Variants in ST14 observed in about 807,000 individuals in gnomAD.
ST14 encodes suppressor of tumorigenicity 14 protein.
Under a neutral mutation model 96.5 loss-of-function variants are expected in ST14, and 40 were observed. The ratio of observed to expected loss-of-function variants is 0.41; its 90% CI spans 0.32 to 0.54. The LOEUF (loss-of-function observed/expected upper bound fraction) is 0.54, where lower values mean the gene tolerates loss of function less well. Among genes scored for constraint, ST14 ranks in the 20% least tolerant of loss-of-function variants. The probability of loss-of-function intolerance (pLI) is 0.17; values close to 1 mark genes in which losing one functional copy is unlikely to be tolerated. For missense variants in ST14, 1,066 were observed against 1,188.9 expected (o/e 0.90, Z 1.52); for synonymous variants, 506 against 492.1 (o/e 1.03, Z -0.37).
In ST14 at chr11:130,172,275, A is replaced by T. The variant is rs554362181; in HGVS notation, c.81+12215A>T. ...GCCACCATGCTAAGCTAATTTTTTT[A>T]AAAAATTTTTGTAGAGATGGGGGTC... On this transcript the variant is annotated intron_variant, in intron 1 of 18. Coordinates refer to ENST00000278742, the MANE Select transcript of ST14 (RefSeq NM_021978.4). Among the ~76,000 whole-genome samples, 133 of 150,920 alleles carry T rather than the reference A, an allele frequency of 8.8e-4. 1 individual carries two copies. In the South Asian group the frequency reaches 0.017, roughly 19 times the overall value.
chr11:130,170,097 G>A (rs1250636187), intron 1 of ST14, among the ~76,000 whole-genome samples: 1 of 152,010 alleles, frequency 6.6e-6, no homozygotes, highest in Admixed American at 6.6e-5. Flanking sequence ...GTCCTGGTGT[G>A]TGTGTTTTGG....
chr11:130,176,577 A>G (rs1953140557), intron 1 of ST14, among the ~76,000 whole-genome samples: 3 of 151,498 alleles, frequency 2.0e-5, no homozygotes, highest in African/African-American at 7.3e-5. Context: ...TTTAGTAGAG[A>G]TGGGGTTTCA....
intron 15 of ST14, among the ~76,000 whole-genome samples, chr11:130,199,391 C>T (rs1360409955): frequency 6.6e-6 from 1 of 152,196 alleles, no homozygotes; most frequent in Non-Finnish European, 1.5e-5. Context: ...AGAAGAGCGG[C>T]CCAGCTCACC....
intron 6 of ST14, 87 bp downstream of exon 6, chr11:130,190,235 A>C: frequency 1.3e-6 from 2 of 1,555,392 alleles, no homozygotes; most frequent in Non-Finnish European, 1.8e-6. Context: ...CCCCAGAAGC[A>C]TGTCCCTCTG....
chr11:130,203,608 C>T (rs999966028), intron 16 of ST14, among the ~76,000 whole-genome samples: 8 of 152,234 alleles, frequency 5.3e-5, no homozygotes, highest in Non-Finnish European at 1.5e-5. Flanking sequence ...AGTCCTCATG[C>T]CTTCCCCATG....
intron 16 of ST14, among the ~76,000 whole-genome samples, chr11:130,201,668 C>G (rs1295436382): frequency 4.6e-5 from 7 of 152,406 alleles, no homozygotes; most frequent in African/African-American, 1.7e-4. Flanking sequence ...CAGTCTTGAA[C>G]TCCTGGGCTT....
intron 15 of ST14, among the ~76,000 whole-genome samples, chr11:130,199,742 C>T (rs971499572): frequency 1.8e-4 from 28 of 152,030 alleles, no homozygotes; most frequent in African/African-American, 6.8e-4. Context: ...AATTTGGGAG[C>T]GGGGAGAAGG....
rs73585189 is a variant in ST14, at chr11:130,181,455, C to T, written c.82-6659C>T. Among the ~76,000 whole-genome samples the T allele has an allele frequency of 2.6e-3, 400 of 152,300 alleles. 2 individuals are homozygous for T. Among genetic ancestry groups the T allele is most frequent in the African/African-American group, 9.2e-3 (383 of 41,560 alleles). On this transcript the variant is annotated intron_variant, in intron 1 of 18. Transcript: ENST00000278742. This position sits in a 1 kb window ranked among gnomAD's most constrained non-coding sequence, Gnocchi z 4.1. ...TATCTGTGTTTATGGTAAGCAGACA[C>T]ACCTGGCTTCATAGCACCGTTTTAT... is the stretch of plus-strand genomic sequence containing the variant.
intron 7 of ST14, among the ~76,000 whole-genome samples, chr11:130,191,679 G>A (rs972926749): frequency 8.1e-6 from 1 of 124,036 alleles, no homozygotes; most frequent in East Asian, 2.4e-4. Flanking sequence ...AACAGAGCGA[G>A]ACTCTGTCTC....
At chr11:130,200,584 C>T (rs778535162) in intron 16 of ST14, among the ~76,000 whole-genome samples, 11 of 152,208 alleles carry the variant, frequency 7.2e-5, no homozygotes, top group Admixed American at 3.9e-4. Flanking sequence ...CCACGCCCCA[C>T]CTCCAACACT....
chr11:130,199,389 G>T (rs1485325416), intron 15 of ST14, among the ~76,000 whole-genome samples: 1 of 152,154 alleles, frequency 6.6e-6, no homozygotes, highest in Non-Finnish European at 1.5e-5. Context: ...GGAGAAGAGC[G>T]GCCCAGCTCA....
At chr11:130,161,872 G>T (rs1317920944) in intron 1 of ST14, among the ~76,000 whole-genome samples, 1 of 152,226 alleles carries the variant, frequency 6.6e-6, no homozygotes, top group Non-Finnish European at 1.5e-5. Context: ...AGTCTTGAGA[G>T]CGAAACTAAG....
intron 1 of ST14, among the ~76,000 whole-genome samples, chr11:130,164,471 G>A (rs1422108780): frequency 6.6e-6 from 1 of 151,242 alleles, no homozygotes; most frequent in Non-Finnish European, 1.5e-5. Context: ...CCAGGCTGGA[G>A]TGCAATGGTG....
chr11:130,190,317 T>C, intron 6 of ST14, 137 bp from the exon 7 acceptor site: 7 of 1,509,212 alleles, frequency 4.6e-6, no homozygotes, highest in Non-Finnish European at 5.4e-6. Context: ...CCCTTCCTGA[T>C]TTCCCGAGGC....
In ST14 at chr11:130,208,419, C is replaced by A. The variant is rs372683317; in HGVS notation, c.2004C>A (p.Asp668Glu). 6.2e-7 allele frequency: 1 copy of A among 1,614,088 alleles called. No homozygotes were observed. Among genetic ancestry groups the A allele is most frequent in the South Asian group, 1.1e-5 (1 of 91,090 alleles). The change falls in exon 17 of 19, where the codon GAC (aspartate) becomes GAA (glutamate). Residue 668 changes from aspartate (D) to glutamate (E), a missense_variant. Transcript: ENST00000278742. ...CGGCTCTCCCTACCAGGTACTCAGA[C>A]CCCACGCAGTGGACGGCCTTCCTGG... The part of the protein sequence containing the change: ...YIDDRGFRYS[D>E]PTQWTAFLGL...
chr11:130,177,449 G>A (rs1268554111), intron 1 of ST14, among the ~76,000 whole-genome samples: 1 of 152,064 alleles, frequency 6.6e-6, no homozygotes, highest in East Asian at 1.9e-4. Context: ...TGTAATCCCA[G>A]CTACTCGGGA....
chr11:130,177,558 C>T (rs943630240), intron 1 of ST14, among the ~76,000 whole-genome samples: 5 of 152,048 alleles, frequency 3.3e-5, no homozygotes, highest in African/African-American at 9.7e-5. Context: ...AGCGAAACTC[C>T]GTCTCAAAAA....
intron 16 of ST14, among the ~76,000 whole-genome samples, chr11:130,207,404 A>G (rs971075034): frequency 6.6e-6 from 1 of 152,342 alleles, no homozygotes; most frequent in African/African-American, 2.4e-5. Flanking sequence ...TACAAAAATT[A>G]GCCAGGCGTG....
intron 16 of ST14, among the ~76,000 whole-genome samples, chr11:130,207,792 G>A (rs986149137): frequency 2.0e-5 from 3 of 152,174 alleles, no homozygotes; most frequent in African/African-American, 7.2e-5. Flanking sequence ...ATTTATTTGG[G>A]CTGGGCGTGG....
Sources: gnomAD v4.1 joint callset for allele counts (sites outside exome capture counted in the v4.1 genomes callset) on GRCh38, gnomAD v4.1.1 for gene constraint, Gnocchi (gnomAD v3.1) non-coding constraint, MANE v1.5 for transcripts, NCBI Gene and HGNC (gene_info 2026-07-23, HGNC 2026-07-21) for gene names.